Variants in CDK14 observed in about 807,000 individuals in gnomAD.
CDK14 encodes cyclin dependent kinase 14.
In CDK14, 34 loss-of-function variants were observed where a neutral mutation model predicts 60.7. The observed-to-expected ratio is 0.56, with a 90% CI of 0.43 to 0.75. The LOEUF (loss-of-function observed/expected upper bound fraction) is 0.75. Among genes scored for constraint, CDK14 ranks in the 30% least tolerant of loss-of-function variants. The probability of loss-of-function intolerance (pLI) is 0.00; values close to 1 mark genes in which losing one functional copy is unlikely to be tolerated. For missense variants in CDK14, 482 were observed against 564.1 expected (o/e 0.85, Z 1.47); for synonymous variants, 197 against 203.7 (o/e 0.97, Z 0.28).
rs1033231702 is a variant in CDK14 at position 91,190,257 on chromosome 7, G to A, written c.*29-16908G>A. 1.3e-4 allele frequency among the ~76,000 whole-genome samples: 20 copies of A among 152,258 alleles called. 1 individual carries two copies. Among genetic ancestry groups the A allele is most frequent in the East Asian group, 1.9e-4 (1 of 5,162 alleles). On this transcript the variant is annotated intron_variant, in intron 14 of 14. Transcript: ENST00000380050. Reference sequence around the variant, plus strand: ...TCCTCAGTCACCTTGGAAAGGGGAGGAAATGAACCAAGATAAATAGTGGCC... The same window carrying A: ...TCCTCAGTCACCTTGGAAAGGGGAGAAAATGAACCAAGATAAATAGTGGCC...
chr7:90,837,315 T>C (rs1457189877), intron 5 of CDK14, among the ~76,000 whole-genome samples: 1 of 149,162 alleles, frequency 6.7e-6, no homozygotes, highest in Non-Finnish European at 1.5e-5. Context: ...TGAGATGGAG[T>C]CTCGCTCTAT....
At chr7:91,129,777 G>A (rs1800062773) in intron 14 of CDK14, among the ~76,000 whole-genome samples, 1 of 152,082 alleles carries the variant, frequency 6.6e-6, no homozygotes, top group South Asian at 2.1e-4. Context: ...ACTGTGAACT[G>A]GACAGTGATA....
At chr7:90,633,520 A>G (rs1000645624) in intron 2 of CDK14, among the ~76,000 whole-genome samples, 2 of 152,174 alleles carry the variant, frequency 1.3e-5, no homozygotes, top group Non-Finnish European at 2.9e-5. Context: ...TGGAATCACC[A>G]TAGTTTATGT....
chr7:90,998,400 T>C (rs1474388569), intron 10 of CDK14, among the ~76,000 whole-genome samples: 2 of 152,210 alleles, frequency 1.3e-5, no homozygotes, highest in Non-Finnish European at 2.9e-5. Context: ...TTCTTTTTTT[T>C]TGAGGTAATA....
chr7:91,155,400 T>C (rs1800954805), intron 14 of CDK14, among the ~76,000 whole-genome samples: 1 of 152,262 alleles, frequency 6.6e-6, no homozygotes, highest in Admixed American at 6.5e-5. Context: ...CTTTGTGTAT[T>C]TCATGATGGT....
intron 5 of CDK14, among the ~76,000 whole-genome samples, chr7:90,802,820 T>C (rs1788691412): frequency 6.6e-6 from 1 of 152,238 alleles, no homozygotes; most frequent in South Asian, 2.1e-4. Context: ...ATTTGGATTG[T>C]GAACTCAGAG....
intron 14 of CDK14, among the ~76,000 whole-genome samples, chr7:91,168,343 A>G (rs901744364): frequency 2.6e-5 from 4 of 152,156 alleles, no homozygotes; most frequent in Non-Finnish European, 5.9e-5. Context: ...TGTAGTTAGA[A>G]CAGGGCCTGG....
chr7:90,798,339 C>T (rs922626881), intron 5 of CDK14, among the ~76,000 whole-genome samples: 1 of 152,108 alleles, frequency 6.6e-6, no homozygotes, highest in African/African-American at 2.4e-5. Flanking sequence ...AAGGCATCAT[C>T]ATTGCTTAGC....
At chr7:90,886,526 C>G (rs1475744243) in intron 6 of CDK14, among the ~76,000 whole-genome samples, 1 of 152,126 alleles carries the variant, frequency 6.6e-6, no homozygotes, top group Non-Finnish European at 1.5e-5. Context: ...TCATCCCAAA[C>G]AGACTAGATG....
intron 5 of CDK14, among the ~76,000 whole-genome samples, chr7:90,831,547 G>T (rs911251752): frequency 1.3e-5 from 2 of 152,142 alleles, no homozygotes; most frequent in Non-Finnish European, 2.9e-5. Context: ...GACTGACTTG[G>T]CTCTTTCAGC....
chr7:90,725,408 G>C (rs1802602609), intron 2 of CDK14, among the ~76,000 whole-genome samples: 5 of 152,024 alleles, frequency 3.3e-5, no homozygotes, highest in Admixed American at 3.3e-4. Flanking sequence ...CATATACATA[G>C]CCGCATTTAT....
At chr7:90,898,834 A>G (rs1584102169) in intron 6 of CDK14, among the ~76,000 whole-genome samples, 1 of 152,030 alleles carries the variant, frequency 6.6e-6, no homozygotes, top group African/African-American at 2.4e-5. Flanking sequence ...GAATATGGAC[A>G]TAAAGATAAG....
chr7:90,961,900 A>C (rs1794614782), intron 9 of CDK14, among the ~76,000 whole-genome samples: 1 of 152,256 alleles, frequency 6.6e-6, no homozygotes, highest in South Asian at 2.1e-4. Flanking sequence ...AAACAGAGAT[A>C]ATTGTGACAT....
chr7:90,871,723 A>G (rs151047833), intron 6 of CDK14, among the ~76,000 whole-genome samples: 2 of 152,312 alleles, frequency 1.3e-5, no homozygotes, highest in Non-Finnish European at 2.9e-5. Context: ...AATTTAGGTT[A>G]TGTGCTGCCA....
At chr7:90,789,314 A>G (rs879599412) in intron 4 of CDK14, among the ~76,000 whole-genome samples, 3 of 152,016 alleles carry the variant, frequency 2.0e-5, no homozygotes, top group South Asian at 2.1e-4. Flanking sequence ...TATAGAGTGT[A>G]CTCTGTATTG....
At chr7:90,824,871 G>A (rs1789669510) in intron 5 of CDK14, 1 of 152,176 alleles carries the variant, frequency 6.6e-6, no homozygotes, top group Admixed American at 6.5e-5. Context: ...AATAAAAATA[G>A]ACAATATAAC....
At chr7:90,809,834 A>G (rs181275027) in intron 5 of CDK14, among the ~76,000 whole-genome samples, 80 of 152,374 alleles carry the variant, frequency 5.3e-4, no homozygotes, top group Admixed American at 9.8e-4. Flanking sequence ...AGAGAATACT[A>G]TGAACACCTC....
At chr7:91,006,426 A>G (rs568898034) in intron 10 of CDK14, among the ~76,000 whole-genome samples, 1 of 152,376 alleles carries the variant, frequency 6.6e-6, no homozygotes, top group South Asian at 2.1e-4. Flanking sequence ...AAAACATTAC[A>G]CATAACTCCT....
chr7:90,914,749 G>A (rs73405500), intron 7 of CDK14, among the ~76,000 whole-genome samples: 4,604 of 152,184 alleles, frequency 0.03, 227 homozygotes, highest in African/African-American at 0.1. Context: ...ATTAGTAAAG[G>A]TATTAAGTAA....
Sources: gnomAD v4.1 joint callset for allele counts (sites outside exome capture counted in the v4.1 genomes callset) on GRCh38, gnomAD v4.1.1 for gene constraint, MANE v1.5 for transcripts, NCBI Gene and HGNC (gene_info 2026-07-23, HGNC 2026-07-21) for gene names.